Variants in CENPF observed in about 807,000 individuals in gnomAD.
CENPF encodes AH antigen.
CENPF carries 214 observed loss-of-function variants against 307.3 expected under a neutral mutation model. The observed-to-expected ratio is 0.70, with a 90% CI of 0.62 to 0.78. CENPF has a LOEUF of 0.78. Among genes scored for constraint, CENPF ranks in the 30% least tolerant of loss-of-function variants. The pLI is 0.00. For missense variants in CENPF, 3,401 were observed against 3,483.9 expected (o/e 0.98, Z 0.60); for synonymous variants, 1,259 against 1,270.6 (o/e 0.99, Z 0.19).
At position 214,646,256 on chromosome 1, in the gene CENPF, TAGACAAG is replaced by T; in HGVS notation, c.6687_6693del (p.Asp2230TyrfsTer9). 1 of 1,614,106 alleles carries T rather than the reference TAGACAAG, an allele frequency of 6.2e-7. No homozygotes were observed. Among genetic ancestry groups the T allele is most frequent in the Middle Eastern group, 1.6e-4 (1 of 6,062 alleles). On this transcript the variant is annotated frameshift_variant, in exon 13 of 20. Transcript: ENST00000366955. LOFTEE classifies it high-confidence loss of function. Reference sequence around the variant, plus strand: ...GAAAAACAAGGTCAGTTGTCAGAACTAGACAAGTTACTCTCTTCATTTAAAAGTCTGT... The same window carrying T: ...GAAAAACAAGGTCAGTTGTCAGAACTTTACTCTCTTCATTTAAAAGTCTGT...
intron 3 of CENPF, among the ~76,000 whole-genome samples, chr1:214,616,262 CTT>C (rs1657333748): frequency 1.3e-5 from 2 of 152,024 alleles, no homozygotes; most frequent in Admixed American, 6.6e-5. Context: ...TAATAAATAA[CTT>C]TGTTTAAAAT....
chr1:214,641,519 A>G lies in CENPF; in HGVS notation c.3181A>G (p.Thr1061Ala). 6.6e-7 allele frequency: 1 copy of G among 1,521,912 alleles called. No homozygotes were observed. Among genetic ancestry groups the G allele is most frequent in the Non-Finnish European group, 8.8e-7 (1 of 1,140,746 alleles). The allele number at this position is 1,521,912 out of a possible 1,614,324, so 94.3% of individuals were successfully genotyped here. Residue 1061 changes from threonine to alanine, a missense_variant, in exon 12 of 20, where the codon ACT becomes GCT. Coordinates refer to ENST00000366955, the MANE Select transcript of CENPF (RefSeq NM_016343.4). Reference protein sequence around the residue: ...SKLECLLNECTSLCENRKNEL... With the variant: ...SKLECLLNECASLCENRKNEL... ...ATTAGAATGCTTGCTAAATGAATGC[A>G]CTAGTCTTTGTGAAAATAGGAAAAA...
At position 214,647,377 on chromosome 1, in the gene CENPF, G is replaced by C; in HGVS notation, c.7807G>C (p.Asp2603His). The C allele has an allele frequency of 6.2e-7, 1 of 1,608,234 alleles. No individual in the cohort carries two copies. The change falls in exon 13 of 20, where the codon GAC (aspartate) becomes CAC (histidine). Residue 2603 changes from aspartate (D) to histidine (H), a missense_variant. Physicochemically the swap from Asp to His is moderately conservative, Grantham distance 81. Coordinates refer to ENST00000366955, the MANE Select transcript of CENPF (RefSeq NM_016343.4). ...LENELELTKM[D>H]KMSFVEKVNK... is the part of the protein sequence containing the mutation. ...GAATGAGCTTGAATTGACAAAAATG[G>C]ACAAAATGTCCTTTGTTGAAAAAGT...
At chr1:214,652,573 A>C (rs1201623176) in intron 15 of CENPF, among the ~76,000 whole-genome samples, 6 of 150,714 alleles carry the variant, frequency 4.0e-5, no homozygotes, top group African/African-American at 1.5e-4. Context: ...CCTCCCGAGT[A>C]GCTGGGATTA....
In CENPF at chr1:214,620,861, A is replaced by G. The variant is rs762008923; in HGVS notation, c.780A>G (p.Gln260=). The G allele has an allele frequency of 1.9e-6, 3 of 1,614,064 alleles. No homozygotes were observed. Among genetic ancestry groups the G allele is most frequent in the Non-Finnish European group, 1.7e-6 (2 of 1,180,036 alleles). The change falls in exon 6 of 20, where the codon CAA becomes CAG. Residue 260 remains glutamine (Q), a synonymous_variant. Coordinates refer to ENST00000366955, the MANE Select transcript of CENPF (RefSeq NM_016343.4). ...QEVTPSRSTL[Q]IGKRDANSSF... is the part of the protein sequence containing the mutation. Reference sequence around the variant, plus strand: ...TGACTCCAAGTCGATCAACTTTGCAAATAGGGAAAAGAGATGCTAATAGCA... The same window carrying G: ...TGACTCCAAGTCGATCAACTTTGCAGATAGGGAAAAGAGATGCTAATAGCA...
At chr1:214,630,771 A>C in intron 9 of CENPF, 109 bp downstream of exon 9, 1 of 1,356,580 alleles carries the variant, frequency 7.4e-7, no homozygotes, top group Non-Finnish European at 1.0e-6. Flanking sequence ...AAAGCGCTCC[A>C]CCTTCACTTT....
Position 214,656,941 on chromosome 1 carries a change from A to T in CENPF, c.8494A>T (p.Met2832Leu), listed in dbSNP as rs1658649122. The T allele has an allele frequency of 6.2e-7, 1 of 1,603,650 alleles. No individual in the cohort carries two copies. Among genetic ancestry groups the T allele is most frequent in the South Asian group, 1.1e-5 (1 of 89,816 alleles). Residue 2832 changes from methionine to leucine, a missense_variant, in exon 18 of 20, where the codon ATG becomes TTG. By Grantham distance (15) the Met-to-Leu change is conservative. Coordinates refer to ENST00000366955, the MANE Select transcript of CENPF (RefSeq NM_016343.4). The part of the protein sequence containing the change: ...AQEKQKTGTV[M>L]DTKVDELTTE... The stretch of plus-strand genomic sequence containing the variant: ...TGCTTTACTTTGGACAGGTACTGTT[A>T]TGGATACCAAGGTCGATGAATTAAC...
intron 1 of CENPF, among the ~76,000 whole-genome samples, chr1:214,610,832 C>A (rs948464302): frequency 1.3e-5 from 2 of 152,166 alleles, no homozygotes; most frequent in Admixed American, 6.6e-5. Context: ...ACATTTAAGT[C>A]TTTAATCCAT....
rs1657215955 is a variant in CENPF at position 214,612,110 on chromosome 1, G to T, written c.-41-1604G>T. Reference sequence around the variant, plus strand: ...CCATTCAGTATGATGTTGGCTGTGGGTTTGTCATAGATGGCTCTTATTATT... The same window carrying T: ...CCATTCAGTATGATGTTGGCTGTGGTTTTGTCATAGATGGCTCTTATTATT... On this transcript the variant is annotated intron_variant, in intron 1 of 19. Coordinates refer to ENST00000366955, the MANE Select transcript of CENPF (RefSeq NM_016343.4). 2.0e-5 allele frequency among the ~76,000 whole-genome samples: 3 copies of T among 152,156 alleles called. 1 individual carries two copies. The South Asian group carries it at 6.2e-4, about 31-fold the overall frequency.
chr1:214,651,443 T>G (rs1212136073), intron 14 of CENPF, among the ~76,000 whole-genome samples: 1 of 152,096 alleles, frequency 6.6e-6, no homozygotes, highest in Non-Finnish European at 1.5e-5. Context: ...CCCAGAGTGG[T>G]TTAATTGAAT....
At chr1:214,617,314 C>T (rs1657387212) in intron 3 of CENPF, among the ~76,000 whole-genome samples, 2 of 152,146 alleles carry the variant, frequency 1.3e-5, no homozygotes, top group Non-Finnish European at 2.9e-5. Context: ...TCCCAAAGTG[C>T]TGGGATTACA....
At chr1:214,608,339 C>T (rs1657096439) in intron 1 of CENPF, 3 of 1,605,866 alleles carry the variant, frequency 1.9e-6, no homozygotes, top group South Asian at 1.1e-5. Context: ...TGCCAGGCGG[C>T]GTCGATGTCG....
In CENPF at chr1:214,641,875, A is replaced by G; in HGVS notation, c.3537A>G (p.Lys1179=). The change falls in exon 12 of 20, where the codon AAA becomes AAG. Residue 1179 remains lysine (K), a synonymous_variant. Transcript: ENST00000366955. ...LESEPIRNSV[K]ERESERNQCN... is the part of the protein sequence containing the mutation. ...CAGAACCAATTAGGAACTCTGTGAAAGAAAGAGAGAGTGAGAGAAATCAAT... is the reference window on the plus strand; with the variant it reads ...CAGAACCAATTAGGAACTCTGTGAAGGAAAGAGAGAGTGAGAGAAATCAAT... The G allele has an allele frequency of 6.2e-7, 1 of 1,600,370 alleles. No homozygotes were observed. Among genetic ancestry groups the G allele is most frequent in the East Asian group, 2.2e-5 (1 of 44,826 alleles).
At position 214,659,104 on chromosome 1, in the gene CENPF, T is replaced by G; in HGVS notation, c.9141+76T>G. 6.7e-7 allele frequency: 1 copy of G among 1,486,510 alleles called. No homozygotes were observed. Among genetic ancestry groups the G allele is most frequent in the Non-Finnish European group, 9.2e-7 (1 of 1,081,212 alleles). The allele number at this position is 1,486,510 out of a possible 1,614,324, so 92.1% of individuals were successfully genotyped here. A position where few individuals can be genotyped will look rare whatever the true frequency, so the allele number is the denominator to read the frequency against. On this transcript the variant is annotated intron_variant, in intron 19 of 19. Transcript: ENST00000366955. This position sits in a 1 kb window ranked among gnomAD's most constrained non-coding sequence, Gnocchi z 4.4. ...TAGTACCTGGGTGAGGATTGGACAC[T>G]GCACCCCCGATTCAGGAGCGCTTTC...
Position 214,605,582 on chromosome 1 carries a change from G to C in CENPF, c.-42+2261G>C, listed in dbSNP as rs1303160454. On this transcript the variant is annotated intron_variant, in intron 1 of 19. Transcript: ENST00000366955. ...GGGTTGGAGCGGGGTCCCCTGGGCCGCCCGGGGGTCCACATGCAGCCCCTG... is the reference window on the plus strand; with the variant it reads ...GGGTTGGAGCGGGGTCCCCTGGGCCCCCCGGGGGTCCACATGCAGCCCCTG... 3.2e-5 allele frequency: 35 copies of C among 1,090,670 alleles called. No homozygotes were observed. In the East Asian group the frequency reaches 8.5e-4, roughly 26 times the overall value. The allele number at this position is 1,090,670 out of a possible 1,614,324, so 67.6% of individuals were successfully genotyped here. A position where few individuals can be genotyped will look rare whatever the true frequency, so the allele number is the denominator to read the frequency against.
chr1:214,630,466 C>T (rs542108670), intron 8 of CENPF, 68 bp from the exon 9 acceptor site: 56 of 1,589,366 alleles, frequency 3.5e-5, no homozygotes, highest in Admixed American at 6.8e-5. Flanking sequence ...TTAGGATGCT[C>T]ATGCCTCACC....
rs773798503 is a variant in CENPF at position 214,640,388 on chromosome 1, A to G, written c.2050A>G (p.Asn684Asp). ...AAGTGTCGAGATCAGAAACCTTCAC[A>G]ACGTGTTAGACAGTAAGTCAGTGGA... Reference protein sequence around the residue: ...NLSVEIRNLHNVLDSKSVEVE... With the variant: ...NLSVEIRNLHDVLDSKSVEVE... Residue 684 changes from asparagine to aspartate, a missense_variant, in exon 12 of 20, where the codon AAC (asparagine) becomes GAC (aspartate). By Grantham distance (23) the Asn-to-Asp change is conservative. Coordinates refer to ENST00000366955, the MANE Select transcript of CENPF (RefSeq NM_016343.4). 6.2e-7 allele frequency: 1 copy of G among 1,614,076 alleles called. No individual in the cohort carries two copies. Among genetic ancestry groups the G allele is most frequent in the Non-Finnish European group, 8.5e-7 (1 of 1,180,020 alleles).
At chr1:214,610,576 T>G (rs187913178) in intron 1 of CENPF, among the ~76,000 whole-genome samples, 139 of 152,214 alleles carry the variant, frequency 9.1e-4, no homozygotes, top group Non-Finnish European at 9.9e-4. Flanking sequence ...TTATAGATGC[T>G]GGATATTAGA....
rs536537052 is a variant in CENPF at position 214,642,221 on chromosome 1, A to T, written c.3883A>T (p.Thr1295Ser). 6.2e-7 allele frequency: 1 copy of T among 1,614,144 alleles called. No homozygotes were observed. Among genetic ancestry groups the T allele is most frequent in the East Asian group, 2.2e-5 (1 of 44,862 alleles). The change falls in exon 12 of 20, where the codon ACA becomes TCA. Residue 1295 changes from threonine (T) to serine (S), a missense_variant. Coordinates refer to ENST00000366955, the MANE Select transcript of CENPF (RefSeq NM_016343.4). Reference protein sequence around the residue: ...DNAHLQCSLQTTMNKLNELEK... With the variant: ...DNAHLQCSLQSTMNKLNELEK... The stretch of plus-strand genomic sequence containing the variant: ...TGCACACCTTCAGTGCTCTCTGCAA[A>T]CAACAATGAACAAGCTGAATGAGCT...
Sources: allele counts gnomAD v4.1 joint callset (sites outside exome capture counted in the v4.1 genomes callset), GRCh38; gene constraint gnomAD v4.1.1; non-coding constraint Gnocchi (gnomAD v3.1); transcripts MANE v1.5; gene names NCBI Gene and HGNC (gene_info 2026-07-23, HGNC 2026-07-21).